The following ZDHHC13 variants were observed in gnomAD, a reference collection of about 807,000 sequenced individuals.
ZDHHC13 encodes the protein zDHHC palmitoyltransferase 13.
ZDHHC13 carries 85 observed loss-of-function variants against 86.0 expected under a neutral mutation model. That is an observed-to-expected ratio of 0.99 (90% CI 0.83 to 1.18). ZDHHC13 has a LOEUF of 1.18. Ranked by LOEUF, ZDHHC13 falls within the 50% of genes most tolerant of loss-of-function variation. The pLI, the probability that ZDHHC13 is intolerant of heterozygous loss-of-function variation, is 0.00. For synonymous variants in ZDHHC13, 263 were observed against 246.4 expected, an observed-to-expected ratio of 1.07 and a Z score of -0.63; for missense variants, 711 against 730.2, an observed-to-expected ratio of 0.97 and a Z score of 0.30.
At chr11:19,147,945 ATAG>A (rs1849512486) in intron 4 of ZDHHC13, among the ~76,000 whole-genome samples, 1 of 152,188 alleles carries the variant, frequency 6.6e-6, no homozygotes, top group African/African-American at 2.4e-5. Context: ...ATAAATAAAA[ATAG>A]TAGTTCAGTG....
At chr11:19,147,456 T>C (rs1056048670) in intron 3 of ZDHHC13, 140 bp from the exon 4 acceptor site, 1 of 662,352 alleles carries the variant, frequency 1.5e-6, no homozygotes, top group African/African-American at 1.8e-5. Context: ...CATATTTCTA[T>C]AGATCTGGGT....
At chr11:19,136,811 G>T (rs964582308) in intron 1 of ZDHHC13, among the ~76,000 whole-genome samples, 3 of 151,708 alleles carry the variant, frequency 2.0e-5, no homozygotes, top group African/African-American at 7.3e-5. Flanking sequence ...TTCATATCCA[G>T]CCAAACTAAG....
intron 16 of ZDHHC13, among the ~76,000 whole-genome samples, chr11:19,175,387 C>G (rs1473403712): frequency 2.3e-4 from 1 of 4,306 alleles, no homozygotes; most frequent in South Asian, 0.019. Context: ...GAGACTCCGT[C>G]TCAAAAAAAA....
chr11:19,136,970 A>T (rs1156919418), intron 1 of ZDHHC13, among the ~76,000 whole-genome samples: 1 of 152,222 alleles, frequency 6.6e-6, no homozygotes, highest in African/African-American at 2.4e-5. Flanking sequence ...TCATGCCAAA[A>T]TGTAAAGACC....
At chr11:19,127,652 C>T (rs1307260412) in intron 1 of ZDHHC13, among the ~76,000 whole-genome samples, 1 of 152,068 alleles carries the variant, frequency 6.6e-6, no homozygotes, top group East Asian at 1.9e-4. Context: ...GGTCCAGCTT[C>T]GATTTTTCTG....
intron 1 of ZDHHC13, among the ~76,000 whole-genome samples, chr11:19,119,567 C>G (rs992367695): frequency 6.6e-6 from 1 of 152,226 alleles, no homozygotes; most frequent in Admixed American, 6.5e-5. Flanking sequence ...GTGTGGCATT[C>G]TGTGACCCCC....
At chr11:19,143,573 A>G (rs533357671) in intron 2 of ZDHHC13, among the ~76,000 whole-genome samples, 1 of 152,304 alleles carries the variant, frequency 6.6e-6, no homozygotes, top group East Asian at 1.9e-4. Context: ...AAAATCATTT[A>G]TTTCTTGAGT....
At chr11:19,154,979 G>A (rs1263413711) in intron 8 of ZDHHC13, among the ~76,000 whole-genome samples, 1 of 152,092 alleles carries the variant, frequency 6.6e-6, no homozygotes, top group East Asian at 1.9e-4. Context: ...CTGCCAGCTG[G>A]TTGTCTCCTA....
intron 1 of ZDHHC13, among the ~76,000 whole-genome samples, chr11:19,136,830 G>A (rs9795357): frequency 0.05 from 7,592 of 151,720 alleles, 194 homozygotes; most frequent in East Asian, 0.06. Flanking sequence ...AGCTTCATAA[G>A]TGAAGGAGAA....
At chr11:19,144,329 G>A (rs911570498) in intron 2 of ZDHHC13, among the ~76,000 whole-genome samples, 2 of 151,720 alleles carry the variant, frequency 1.3e-5, no homozygotes, top group Admixed American at 6.6e-5. Context: ...GTAAAAACTC[G>A]CATTTTATGT....
rs1379378001 is a variant in ZDHHC13, at chr11:19,170,436, A to G, written c.1500A>G (p.Thr500=). The change falls in exon 15 of 17, where the codon ACA becomes ACG. Residue 500 remains threonine (T), a synonymous_variant. Transcript: ENST00000446113. ...ATTTGTCCAGTCATTGTGCCACAACATTCAAAGAAGATGGATTATGGACTT... is the reference window on the plus strand; with the variant it reads ...ATTTGTCCAGTCATTGTGCCACAACGTTCAAAGAAGATGGATTATGGACTT... The part of the protein sequence containing the change: ...FIYLSSHCAT[T]FKEDGLWTYL... The G allele has an allele frequency of 6.5e-7, 1 of 1,532,708 alleles. No individual in the cohort carries two copies. The highest frequency in any genetic ancestry group is 2.5e-5 in the East Asian group (1 of 40,310). The allele number at this position is 1,532,708 out of a possible 1,614,324, so 94.9% of individuals were successfully genotyped here. A position where few individuals can be genotyped will look rare whatever the true frequency, so the allele number is the denominator to read the frequency against.
chr11:19,123,629 G>A (rs1355386848), intron 1 of ZDHHC13, among the ~76,000 whole-genome samples: 9 of 151,954 alleles, frequency 5.9e-5, no homozygotes, highest in African/African-American at 1.2e-4. Flanking sequence ...CCTGGGTGAC[G>A]GAGTAATACC....
chr11:19,137,372 C>T (rs1405124623), intron 1 of ZDHHC13, among the ~76,000 whole-genome samples: 2 of 152,084 alleles, frequency 1.3e-5, no homozygotes, highest in African/African-American at 2.4e-5. Flanking sequence ...GCTAACTGTC[C>T]TAAACATATA....
In ZDHHC13 at chr11:19,175,991, T is replaced by A. The variant is rs1421830529; in HGVS notation, c.*31T>A. 1.9e-6 allele frequency: 3 copies of A among 1,577,624 alleles called. No individual in the cohort carries two copies. The highest frequency in any genetic ancestry group is 1.7e-6 in the Non-Finnish European group (2 of 1,166,940). On this transcript the variant is annotated 3_prime_UTR_variant, in exon 17 of 17. Transcript: ENST00000446113. ...AGCAACCCAAAACTCTCAATCTGAT[T>A]TGTTTTTGTTTATGTCGATGCCCTG...
At chr11:19,142,672 A>G (rs1177816812) in intron 1 of ZDHHC13, among the ~76,000 whole-genome samples, 1 of 152,144 alleles carries the variant, frequency 6.6e-6, no homozygotes, top group Non-Finnish European at 1.5e-5. Context: ...ATTTTTTGTA[A>G]TAGTAAGCAT....
chr11:19,170,078 G>A (rs545086305), intron 14 of ZDHHC13: 1 of 1,099,546 alleles, frequency 9.1e-7, no homozygotes, highest in African/African-American at 1.7e-5. Flanking sequence ...CATGAATAAG[G>A]TAGGGAGTGT....
At chr11:19,165,468 A>G (rs1238221096) in intron 13 of ZDHHC13, among the ~76,000 whole-genome samples, 1 of 152,218 alleles carries the variant, frequency 6.6e-6, no homozygotes, top group African/African-American at 2.4e-5. Flanking sequence ...TCCTGATTCC[A>G]ATGGGTGTTG....
intron 1 of ZDHHC13, among the ~76,000 whole-genome samples, chr11:19,140,737 T>TA (rs746589054): frequency 6.0e-4 from 91 of 152,142 alleles, no homozygotes; most frequent in Non-Finnish European, 1.1e-3. Flanking sequence ...TATGCAGCCA[T>TA]AAAAAATGAT....
intron 1 of ZDHHC13, among the ~76,000 whole-genome samples, chr11:19,125,654 G>C (rs1182913987): frequency 6.6e-6 from 1 of 152,176 alleles, no homozygotes; most frequent in African/African-American, 2.4e-5. Context: ...ATTTTTAGCA[G>C]CTCTGTTTAT....
Sources: gnomAD v4.1 joint callset for allele counts (sites outside exome capture counted in the v4.1 genomes callset) on GRCh38, gnomAD v4.1.1 for gene constraint, MANE v1.5 for transcripts, NCBI Gene and HGNC (gene_info 2026-07-23, HGNC 2026-07-21) for gene names.